CDC16: variants seen among roughly 807,000 people sequenced by gnomAD.
The protein encoded by CDC16 is cell division cycle protein 16 homolog.
CDC16 carries 34 observed loss-of-function variants against 87.0 expected under a neutral mutation model. That is an observed-to-expected ratio of 0.39 (90% CI 0.30 to 0.52). The LOEUF is 0.52. CDC16 is among the 20% of genes least tolerant of loss of function. The pLI, the probability that CDC16 is intolerant of heterozygous loss-of-function variation, is 0.74. For synonymous variants in CDC16, 263 were observed against 260.6 expected (o/e 1.01, Z -0.09); for missense variants, 653 against 751.9 (o/e 0.87, Z 1.54).
chr13:114,248,766 C>T (rs1487827559), intron 11 of CDC16, among the ~76,000 whole-genome samples: 1 of 152,114 alleles, frequency 6.6e-6, no homozygotes, highest in African/African-American at 2.4e-5. Context: ...CGAAAGTACC[C>T]TGTACTAGGA....
At chr13:114,243,423 AT>A (rs1397579980) in intron 7 of CDC16, 75 bp downstream of exon 7, 1 of 743,396 alleles carries the variant, frequency 1.3e-6, no homozygotes. Context: ...CTAGTCTTAT[AT>A]TAAGTTTTCA....
rs2081435275 is a variant in CDC16 at position 114,239,508 on chromosome 13, C to T, written c.381+18C>T. ...AGTCTTCAGTAAGTAGTACTGTGAG[C>T]ACAGCTCAGTAACGGCGGCGAGAAT... is the stretch of plus-strand genomic sequence containing the variant. On this transcript the variant is annotated intron_variant, in intron 5 of 17. Coordinates refer to ENST00000356221, the MANE Select transcript of CDC16 (RefSeq NM_001078645.3). 6.4e-7 allele frequency: 1 copy of T among 1,554,028 alleles called. No homozygotes were observed. The highest frequency in any genetic ancestry group is 8.8e-7 in the Non-Finnish European group (1 of 1,140,948).
At chr13:114,236,574 A>G in intron 1 of CDC16, 71 bp from the exon 2 acceptor site, 1 of 1,269,510 alleles carries the variant, frequency 7.9e-7, no homozygotes, top group South Asian at 1.6e-5. Context: ...AATTATAATA[A>G]TATTAGATAA....
In CDC16 at chr13:114,243,922, G is replaced by A. The variant is rs774494396; in HGVS notation, c.700G>A (p.Val234Ile). The A allele has an allele frequency of 8.9e-5, 142 of 1,604,428 alleles. No individual in the cohort carries two copies. The highest frequency in any genetic ancestry group is 1.2e-4 in the Non-Finnish European group (137 of 1,171,446). The change falls in exon 8 of 18, where the codon GTA becomes ATA. Residue 234 changes from valine to isoleucine, a missense_variant. Physicochemically the swap from Val to Ile is conservative, Grantham distance 29. Coordinates refer to ENST00000356221, the MANE Select transcript of CDC16 (RefSeq NM_001078645.3). ...VDGLQENLDVVVSLAERHYYN... is the reference protein window; with the variant it reads ...VDGLQENLDVIVSLAERHYYN... ...TGGCTTGCAAGAGAATCTGGATGTG[G>A]TAGTGTCTTTAGCTGAGAGACATTA...
chr13:114,252,162 T>TGGCCCTGTTGG (rs2082227783), intron 12 of CDC16, among the ~76,000 whole-genome samples: 1 of 149,236 alleles, frequency 6.7e-6, no homozygotes, highest in Non-Finnish European at 1.5e-5. Flanking sequence ...AGCCCTACAC[T>TGGCCCTGTTGG]AGCCCTGTTG....
At chr13:114,250,293 G>C (rs2138988823) in intron 11 of CDC16, among the ~76,000 whole-genome samples, 1 of 152,290 alleles carries the variant, frequency 6.6e-6, no homozygotes, top group Non-Finnish European at 1.5e-5. Context: ...AGGAGTTCAA[G>C]ACCAGCCTGA....
chr13:114,259,242 T>G, intron 13 of CDC16, 93 bp from the exon 14 acceptor site: 1 of 726,760 alleles, frequency 1.4e-6, no homozygotes, highest in Non-Finnish European at 2.3e-6. Context: ...CCCCATTGCA[T>G]TTTAGTACTA....
At chr13:114,247,333 ATTTT>A in intron 11 of CDC16, 2 of 183,212 alleles carry the variant, frequency 1.1e-5, no homozygotes, top group East Asian at 1.5e-4. Flanking sequence ...TGATTTAAAC[ATTTT>A]TTTTTTTTTT....
At chr13:114,255,113 T>C (rs1282901306) in intron 12 of CDC16, among the ~76,000 whole-genome samples, 2 of 152,258 alleles carry the variant, frequency 1.3e-5, no homozygotes, top group Non-Finnish European at 2.9e-5. Flanking sequence ...TGAATTCCTA[T>C]GTAGTATCCT....
intron 11 of CDC16, chr13:114,247,333 A>ATT (rs112944628): frequency 0.021 from 3,940 of 183,382 alleles, 150 homozygotes; most frequent in African/African-American, 0.082. Context: ...TGATTTAAAC[A>ATT]TTTTTTTTTT....
intron 1 of CDC16, 102 bp downstream of exon 1, chr13:114,235,234 G>A (rs2081186332): frequency 1.2e-6 from 1 of 810,652 alleles, no homozygotes; most frequent in Non-Finnish European, 1.7e-6. Context: ...TGGTGGGGAA[G>A]GACTGGGCCG....
Position 114,235,127 on chromosome 13 carries a change from G to C in CDC16, c.43G>C (p.Asp15His). ...GCGGAAGCGCGTCCGGCAGTACCTC[G>C]ACCAGGTGGGCGGCCCCGACTCGGG... ...RLRKRVRQYL[D>H]QQQYQSALFW... Residue 15 changes from aspartate to histidine, a missense_variant, in exon 1 of 18, where the codon GAC becomes CAC. By Grantham distance (81) the Asp-to-His change is moderately conservative (BLOSUM62 -1). Transcript: ENST00000356221. 8.0e-7 allele frequency: 1 copy of C among 1,244,602 alleles called. No homozygotes were observed. The allele number at this position is 1,244,602 out of a possible 1,614,324, so 77.1% of individuals were successfully genotyped here.
chr13:114,271,522 T>C (rs2083655416), intron 17 of CDC16, among the ~76,000 whole-genome samples: 1 of 152,144 alleles, frequency 6.6e-6, no homozygotes, highest in African/African-American at 2.4e-5. Context: ...TTGCCCAGGC[T>C]GGAGTGCAGT....
At position 114,239,364 on chromosome 13, in the gene CDC16, G is replaced by T. The variant is rs370232617; in HGVS notation, c.255G>T (p.Glu85Asp). The stretch of plus-strand genomic sequence containing the variant: ...TTTCCACGTAGTATGCTGCAAAAGA[G>T]CACCAGCAGGCCCTTGATGTTCTTG... ...LAARCHYAAK[E>D]HQQALDVLDM... is the part of the protein sequence containing the mutation. Residue 85 changes from glutamate (E) to aspartate (D), a missense_variant, in exon 5 of 18, where the codon GAG (glutamate) becomes GAT (aspartate). Coordinates refer to ENST00000356221, the MANE Select transcript of CDC16 (RefSeq NM_001078645.3). The T allele has an allele frequency of 4.4e-6, 7 of 1,606,752 alleles. No individual in the cohort carries two copies. In the Admixed American group the frequency reaches 6.7e-5, roughly 15 times the overall value.
At chr13:114,239,947 T>A (rs2081461062) in intron 5 of CDC16, among the ~76,000 whole-genome samples, 2 of 152,194 alleles carry the variant, frequency 1.3e-5, no homozygotes. Context: ...AATTGCACAT[T>A]CCTTGCTGGC....
At position 114,235,076 on chromosome 13, in the gene CDC16, C is replaced by G; in HGVS notation, c.-9C>G. 1 of 1,246,242 alleles carries G rather than the reference C, an allele frequency of 8.0e-7. No homozygotes were observed. The highest frequency in any genetic ancestry group is 3.5e-5 in the South Asian group (1 of 28,528). 77.2% of individuals were successfully genotyped at this position (1,246,242 alleles called of 1,614,324 possible). ...GCGGAGTGTGGCGTGAGGCCGGGCCCGCGCCGCCATGAACCTAGAGCGGCT... is the reference window on the plus strand; with the variant it reads ...GCGGAGTGTGGCGTGAGGCCGGGCCGGCGCCGCCATGAACCTAGAGCGGCT... On this transcript the variant is annotated 5_prime_UTR_variant, in exon 1 of 18. Coordinates refer to ENST00000356221, the MANE Select transcript of CDC16 (RefSeq NM_001078645.3).
chr13:114,269,700 TTTTA>T (rs796240844), intron 17 of CDC16, among the ~76,000 whole-genome samples: 3 of 151,844 alleles, frequency 2.0e-5, no homozygotes, highest in African/African-American at 7.3e-5. Flanking sequence ...TCACAGATTT[TTTTA>T]TTTTTTATTA....
At chr13:114,235,158 G>C (rs2081180617) in intron 1 of CDC16, 26 bp downstream of exon 1, 3 of 1,237,328 alleles carry the variant, frequency 2.4e-6, no homozygotes, top group Non-Finnish European at 3.0e-6. Context: ...TCGGGGTGCG[G>C]GGCCCAGGCC....
At chr13:114,245,944 G>A in intron 9 of CDC16, 56 bp from the exon 10 acceptor site, 2 of 899,392 alleles carry the variant, frequency 2.2e-6, no homozygotes, top group Non-Finnish European at 3.6e-6. Context: ...ATGAAATCAT[G>A]TCTTAAATTA....
Sources: allele counts gnomAD v4.1 joint callset (sites outside exome capture counted in the v4.1 genomes callset), GRCh38; gene constraint gnomAD v4.1.1; transcripts MANE v1.5; gene names NCBI Gene and HGNC (gene_info 2026-07-23, HGNC 2026-07-21).